PIWIL3: variants seen among roughly 807,000 people sequenced by gnomAD.
The protein encoded by PIWIL3 is piwi-like protein 3.
Under a neutral mutation model 109.7 loss-of-function variants are expected in PIWIL3, and 101 were observed. That is an observed-to-expected ratio of 0.92 (90% confidence interval 0.78 to 1.09). The LOEUF is 1.09. Ranked by LOEUF, PIWIL3 falls within the 50% of genes least tolerant of loss-of-function variation. The pLI is 0.00. For missense variants in PIWIL3, 1,031 were observed against 1,072.6 expected (o/e 0.96, Z 0.54); for synonymous variants, 373 against 376.4 (o/e 0.99, Z 0.10).
chr22:24,755,656 C>G (rs1924980893), intron 6 of PIWIL3, 128 bp downstream of exon 6: 3 of 1,212,056 alleles, frequency 2.5e-6, no homozygotes, highest in Admixed American at 2.2e-5. Context: ...TCTCCAAGAC[C>G]CTTCACTCTC....
intron 1 of PIWIL3, among the ~76,000 whole-genome samples, chr22:24,773,142 C>A (rs1229874961): frequency 6.6e-6 from 1 of 152,176 alleles, no homozygotes; most frequent in Non-Finnish European, 1.5e-5. Flanking sequence ...CTGGGCCACA[C>A]ATTGGCAGCT....
chr22:24,729,824 T>C (rs1923226505), intron 14 of PIWIL3, among the ~76,000 whole-genome samples: 2 of 152,324 alleles, frequency 1.3e-5, no homozygotes, highest in South Asian at 4.1e-4. Flanking sequence ...TTGCATTTTT[T>C]TCTGAAGGTG....
intron 1 of PIWIL3, among the ~76,000 whole-genome samples, chr22:24,772,111 T>G (rs1438800922): frequency 6.6e-6 from 1 of 152,162 alleles, no homozygotes; most frequent in Non-Finnish European, 1.5e-5. Context: ...CACCAAACAG[T>G]AAGAATTATT....
At chr22:24,747,956 A>G (rs1381915350) in intron 12 of PIWIL3, among the ~76,000 whole-genome samples, 1 of 152,220 alleles carries the variant, frequency 6.6e-6, no homozygotes, top group African/African-American at 2.4e-5. Context: ...AAAGGAAATT[A>G]GGATATTGAA....
chr22:24,744,178 TAA>T (rs1188611412), intron 12 of PIWIL3, among the ~76,000 whole-genome samples: 13 of 34,312 alleles, frequency 3.8e-4, no homozygotes, highest in East Asian at 3.3e-3. Context: ...GTGACCGAAT[TAA>T]AAAAAAAAAA....
intron 12 of PIWIL3, among the ~76,000 whole-genome samples, chr22:24,741,851 C>A (rs1381063761): frequency 1.3e-5 from 2 of 150,344 alleles, no homozygotes; most frequent in African/African-American, 4.9e-5. Flanking sequence ...GACAGATGCC[C>A]CCCGTTTCAC....
At chr22:24,728,555 A>G (rs966296371) in intron 14 of PIWIL3, among the ~76,000 whole-genome samples, 181 bp from the exon 15 acceptor site, 1 of 152,240 alleles carries the variant, frequency 6.6e-6, no homozygotes, top group Non-Finnish European at 1.5e-5. Flanking sequence ...TAACATAATT[A>G]TATCAACTTA....
At position 24,762,456 on chromosome 22, in the gene PIWIL3, C is replaced by T. The variant is rs143965509; in HGVS notation, c.44G>A (p.Arg15His). The part of the protein sequence containing the change: ...ARTRARGRAR[R>H]RESYQQEAPG... ...TGCCTCTTGTTGGTAGCTCTCCCTG[C>T]GGCGGGCTCTGCCTCGGGCGCGAGT... Residue 15 changes from arginine to histidine, a missense_variant, in exon 2 of 21, where the codon CGC (arginine) becomes CAC (histidine). Physicochemically the swap from Arg to His is conservative, Grantham distance 29. Coordinates refer to ENST00000616349, the MANE Select transcript of PIWIL3 (RefSeq NM_001255975.1). 1.7e-4 allele frequency: 267 copies of T among 1,613,960 alleles called. 2 individuals carry two copies. In the African/African-American group the frequency reaches 2.7e-3, roughly 16 times the overall value.
At chr22:24,719,612 C>T in intron 20 of PIWIL3, 24 bp from the exon 21 acceptor site, 1 of 1,560,300 alleles carries the variant, frequency 6.4e-7, no homozygotes, top group Non-Finnish European at 8.7e-7. Flanking sequence ...AGAAAATACA[C>T]AACTAAATTT....
At chr22:24,752,325 G>A (rs1009592807) in intron 8 of PIWIL3, among the ~76,000 whole-genome samples, 3 of 152,126 alleles carry the variant, frequency 2.0e-5, no homozygotes, top group African/African-American at 7.2e-5. Context: ...CAACATGGAG[G>A]TTCTCTTCCC....
At chr22:24,770,411 CTTGAAATGTAT>C (rs1926065790) in intron 1 of PIWIL3, among the ~76,000 whole-genome samples, 1 of 152,122 alleles carries the variant, frequency 6.6e-6, no homozygotes, top group Non-Finnish European at 1.5e-5. Flanking sequence ...TAGCCTTAGC[CTTGAAATGTAT>C]TTGAAACCCT....
chr22:24,757,079 C>CAAA (rs71189275), intron 4 of PIWIL3, among the ~76,000 whole-genome samples: 150 of 91,580 alleles, frequency 1.6e-3, no homozygotes, highest in East Asian at 3.1e-3. Context: ...AACTCCGTCT[C>CAAA]AAAAAAAAAA....
chr22:24,771,490 A>G (rs968666200), intron 1 of PIWIL3, among the ~76,000 whole-genome samples: 2 of 151,638 alleles, frequency 1.3e-5, no homozygotes, highest in Admixed American at 6.6e-5. Flanking sequence ...AAAAAAAAAA[A>G]AAAAGAAAGT....
intron 17 of PIWIL3, 21 bp downstream of exon 17, chr22:24,725,424 C>T (rs367986683): frequency 1.1e-5 from 17 of 1,612,534 alleles, no homozygotes; most frequent in East Asian, 4.5e-5. Flanking sequence ...TCGGGTTCCC[C>T]GACCGCTACA....
rs1309330062 is a variant in PIWIL3 at position 24,749,678 on chromosome 22, G to A, written c.1216+15C>T. On this transcript the variant is annotated intron_variant, in intron 10 of 20. Transcript: ENST00000616349. ...TTATACCTGACTTTAAAGAGGGGCTGTAATCCATCAGTACCTGTCATGTGG... is the reference window on the plus strand; with the variant it reads ...TTATACCTGACTTTAAAGAGGGGCTATAATCCATCAGTACCTGTCATGTGG... 4.3e-6 allele frequency: 7 copies of A among 1,614,080 alleles called. No individual in the cohort carries two copies. The highest frequency in any genetic ancestry group is 5.9e-6 in the Non-Finnish European group (7 of 1,180,046).
chr22:24,771,710 G>T (rs757015205), intron 1 of PIWIL3, among the ~76,000 whole-genome samples: 54 of 151,372 alleles, frequency 3.6e-4, no homozygotes, highest in Non-Finnish European at 6.6e-4. Flanking sequence ...AAAAGATTCA[G>T]GATTGAAGAC....
chr22:24,762,195 T>G, intron 2 of PIWIL3: 1 of 1,005,780 alleles, frequency 9.9e-7, no homozygotes, highest in Non-Finnish European at 1.3e-6. Context: ...TGTGAAAATG[T>G]GAGAAGGAAG....
chr22:24,762,210 GGA>G, intron 2 of PIWIL3, 186 bp downstream of exon 2: 1 of 1,065,440 alleles, frequency 9.4e-7, no homozygotes, highest in Non-Finnish European at 1.2e-6. Context: ...AGGAAGCAGT[GGA>G]GAGTACATCT....
At chr22:24,745,594 T>C (rs1446938333) in intron 12 of PIWIL3, among the ~76,000 whole-genome samples, 1 of 148,480 alleles carries the variant, frequency 6.7e-6, no homozygotes, top group Non-Finnish European at 1.5e-5. Context: ...AAACCAAGCC[T>C]AAAAGAATGA....
Sources: allele counts gnomAD v4.1 joint callset (sites outside exome capture counted in the v4.1 genomes callset), GRCh38; gene constraint gnomAD v4.1.1; transcripts MANE v1.5; gene names NCBI Gene and HGNC (gene_info 2026-07-23, HGNC 2026-07-21).